Variants in NBAS observed in about 807,000 individuals in gnomAD.
The protein encoded by NBAS is NAG/BC035112 fusion.
In NBAS, 219 loss-of-function variants were observed where a neutral mutation model predicts 302.5. The observed-to-expected ratio is 0.72, with a 90% CI of 0.65 to 0.81. NBAS has a LOEUF of 0.81. Among genes scored for constraint, NBAS ranks in the 30% least tolerant of loss-of-function variants. NBAS has a pLI of 0.00. For synonymous variants in NBAS, 1,118 were observed against 1,021.6 expected (o/e 1.09, Z -1.80); for missense variants, 2,932 against 2,841.6 (o/e 1.03, Z -0.72).
chr2:15,148,991 A>G, the NBAS span, among the ~76,000 whole-genome samples: 1 of 152,156 alleles, frequency 6.6e-6, no homozygotes, highest in Non-Finnish European at 1.5e-5. Flanking sequence ...AAACCTTTTG[A>G]TATTTGCCTT....
the NBAS span, among the ~76,000 whole-genome samples, chr2:14,848,837 G>T: frequency 5.9e-5 from 9 of 151,500 alleles, no homozygotes; most frequent in Non-Finnish European, 1.2e-4. Context: ...ACACGGCAGG[G>T]TATTCCAACA....
intron 44 of NBAS, among the ~76,000 whole-genome samples, chr2:15,250,441 A>G (rs1481316015): frequency 6.6e-6 from 1 of 152,254 alleles, no homozygotes; most frequent in Non-Finnish European, 1.5e-5. Context: ...AGCAATGGCA[A>G]CAAAAGCCGA....
chr2:14,913,716 GT>G, the NBAS span, among the ~76,000 whole-genome samples: 2 of 152,160 alleles, frequency 1.3e-5, no homozygotes, highest in Non-Finnish European at 2.9e-5. Context: ...CAGCTTGGAA[GT>G]TACAGTAATG....
At chr2:14,822,054 A>G in the NBAS span, among the ~76,000 whole-genome samples, 1 of 151,626 alleles carries the variant, frequency 6.6e-6, no homozygotes, top group Non-Finnish European at 1.5e-5. Flanking sequence ...AAAAAATGTA[A>G]CATCCAAAAT....
intron 14 of NBAS, among the ~76,000 whole-genome samples, chr2:15,474,537 A>G (rs1203996573): frequency 2.1e-5 from 3 of 145,078 alleles, no homozygotes; most frequent in African/African-American, 7.8e-5. Flanking sequence ...AATCTAAACT[A>G]AAGCCTGTTT....
chr2:15,232,999 T>C (rs1481481726), intron 46 of NBAS, among the ~76,000 whole-genome samples: 4 of 152,138 alleles, frequency 2.6e-5, no homozygotes, highest in East Asian at 1.9e-4. Flanking sequence ...ATTTTACAGA[T>C]GTTATGTGTA....
At chr2:15,252,902 G>A (rs1668428589) in intron 44 of NBAS, among the ~76,000 whole-genome samples, 1 of 152,114 alleles carries the variant, frequency 6.6e-6, no homozygotes, top group Non-Finnish European at 1.5e-5. Flanking sequence ...TATATAAAAT[G>A]TGACAGAAAT....
chr2:14,911,427 C>T, the NBAS span, among the ~76,000 whole-genome samples: 5 of 152,124 alleles, frequency 3.3e-5, no homozygotes, highest in African/African-American at 7.2e-5. Context: ...ACATCCTGGA[C>T]GCTATTATTC....
At chr2:15,086,598 C>T in the NBAS span, among the ~76,000 whole-genome samples, 3 of 152,150 alleles carry the variant, frequency 2.0e-5, no homozygotes, top group African/African-American at 7.2e-5. Flanking sequence ...TTCCTTAGGG[C>T]CCTGAGGTTT....
chr2:15,175,308 G>A (rs534401780), intron 51 of NBAS, among the ~76,000 whole-genome samples: 2 of 152,192 alleles, frequency 1.3e-5, no homozygotes, highest in South Asian at 2.1e-4. Context: ...TTAATAGACA[G>A]CACAGTCCAG....
the NBAS span, among the ~76,000 whole-genome samples, chr2:15,093,447 T>C: frequency 1.3e-5 from 2 of 152,200 alleles, no homozygotes; most frequent in Non-Finnish European, 2.9e-5. Flanking sequence ...ACTATTGTAT[T>C]GCTGCCTCAC....
At chr2:15,120,048 C>T in the NBAS span, among the ~76,000 whole-genome samples, 2 of 152,178 alleles carry the variant, frequency 1.3e-5, no homozygotes, top group East Asian at 1.9e-4. Context: ...GTTCTGATGG[C>T]CAAAAATATT....
At chr2:15,098,340 A>ATATCATATATG in the NBAS span, among the ~76,000 whole-genome samples, 2 of 7,378 alleles carry the variant, frequency 2.7e-4, no homozygotes, top group Non-Finnish European at 4.2e-4. Flanking sequence ...TATTGTATAT[A>ATATCATATATG]ATATATAATA....
intron 31 of NBAS, among the ~76,000 whole-genome samples, chr2:15,373,768 C>G (rs1674596990): frequency 6.6e-6 from 1 of 152,132 alleles, no homozygotes; most frequent in Non-Finnish European, 1.5e-5. Context: ...GACAAAGACA[C>G]CAAGGAACTT....
chr2:15,346,079 T>C (rs1489100543), intron 35 of NBAS, among the ~76,000 whole-genome samples: 1 of 152,104 alleles, frequency 6.6e-6, no homozygotes, highest in Non-Finnish European at 1.5e-5. Context: ...GGCAATACCA[T>C]TCAGGACATC....
chr2:15,102,128 A>C, the NBAS span, among the ~76,000 whole-genome samples: 1 of 152,228 alleles, frequency 6.6e-6, no homozygotes, highest in Non-Finnish European at 1.5e-5. Context: ...GGCAGTTCTG[A>C]GGGAGAAGCA....
chr2:15,115,408 A>G, the NBAS span, among the ~76,000 whole-genome samples: 121,118 of 152,080 alleles, frequency 0.8, 49,966 homozygotes, highest in South Asian at 0.93. Context: ...GTATTGCCAG[A>G]GAAGGTCTAA....
chr2:15,394,316 C>T lies in NBAS; in HGVS notation c.3168G>A (p.Glu1056=). 2 of 1,613,078 alleles carry T rather than the reference C, an allele frequency of 1.2e-6. No homozygotes were observed. Among genetic ancestry groups the T allele is most frequent in the South Asian group, 2.2e-5 (2 of 91,054 alleles). Residue 1056 remains glutamate, a synonymous_variant, in exon 28 of 52, where the codon GAG becomes GAA. Coordinates refer to ENST00000281513, the MANE Select transcript of NBAS (RefSeq NM_015909.4). ...VSELLEKHGL[E]KPISFVKNTQ... ...TGTTTTTAACAAATGAAATTGGTTTCTCGAGTCCATGTTTTTCCAAAAGCT... is the reference window on the plus strand; with the variant it reads ...TGTTTTTAACAAATGAAATTGGTTTTTCGAGTCCATGTTTTTCCAAAAGCT...
At chr2:15,468,818 C>T (rs1679836315) in intron 16 of NBAS, among the ~76,000 whole-genome samples, 3 of 152,120 alleles carry the variant, frequency 2.0e-5, no homozygotes, top group Admixed American at 1.3e-4. Context: ...AATGTTTCCT[C>T]CTAACTTTTA....
Sources: allele counts gnomAD v4.1 joint callset (sites outside exome capture counted in the v4.1 genomes callset), GRCh38; gene constraint gnomAD v4.1.1; transcripts MANE v1.5; gene names NCBI Gene and HGNC (gene_info 2026-07-23, HGNC 2026-07-21).